TCF4: variants seen among roughly 807,000 people sequenced by gnomAD.
The protein encoded by TCF4 is transcription factor 4.
In TCF4, 3 loss-of-function variants were observed where a neutral mutation model predicts 82.1. The ratio of observed to expected loss-of-function variants is 0.04; its 90% CI spans 0.02 to 0.09. The LOEUF is 0.09. Among genes scored for constraint, TCF4 ranks in the 10% least tolerant of loss-of-function variants. TCF4 has a pLI of 1.00. For synonymous variants in TCF4, 276 were observed against 309.6 expected, an observed-to-expected ratio of 0.89 and a Z score of 1.14; for missense variants, 518 against 852.7, an observed-to-expected ratio of 0.61 and a Z score of 4.89.
intron 2 of TCF4, among the ~76,000 whole-genome samples, chr18:55,612,428 G>A (rs932661957): frequency 2.4e-4 from 36 of 152,022 alleles, no homozygotes; most frequent in Non-Finnish European, 4.9e-4. Flanking sequence ...ATCTGACATT[G>A]AGCAAAGTAA....
chr18:55,510,523 A>T, intron 3 of TCF4: 2 of 1,326,892 alleles, frequency 1.5e-6, no homozygotes, highest in Non-Finnish European at 2.0e-6. Flanking sequence ...AAGTCGATAG[A>T]TCAAACATTT....
At chr18:55,568,232 T>C (rs1027387464) in intron 3 of TCF4, among the ~76,000 whole-genome samples, 1 of 146,862 alleles carries the variant, frequency 6.8e-6, no homozygotes, top group African/African-American at 2.5e-5. Flanking sequence ...AGATTAAAAA[T>C]TAATGAAGTA....
At chr18:55,538,790 G>A (rs891770318) in intron 3 of TCF4, among the ~76,000 whole-genome samples, 2 of 152,144 alleles carry the variant, frequency 1.3e-5, no homozygotes, top group Non-Finnish European at 2.9e-5. Context: ...CTAGATGGCT[G>A]TATATCTATC....
At chr18:55,421,299 A>T (rs2094743356) in intron 5 of TCF4, among the ~76,000 whole-genome samples, 1 of 152,232 alleles carries the variant, frequency 6.6e-6, no homozygotes, top group African/African-American at 2.4e-5. Flanking sequence ...TTGGAACCCC[A>T]AGAGTTTAAC....
intron 2 of TCF4, among the ~76,000 whole-genome samples, chr18:55,601,294 C>T (rs1256834157): frequency 6.6e-6 from 1 of 152,084 alleles, no homozygotes; most frequent in African/African-American, 2.4e-5. Context: ...AGATGCCTGT[C>T]CTTCCAGAGG....
intron 5 of TCF4, among the ~76,000 whole-genome samples, chr18:55,416,655 A>G (rs754491984): frequency 6.6e-6 from 1 of 152,260 alleles, no homozygotes; most frequent in Non-Finnish European, 1.5e-5. Context: ...TGTAGGTCAC[A>G]ATAAATAATA....
At chr18:55,634,201 G>A (rs190710584) in intron 1 of TCF4, among the ~76,000 whole-genome samples, 1,669 of 152,152 alleles carry the variant, frequency 0.011, 15 homozygotes, top group Non-Finnish European at 0.019. Flanking sequence ...CCCAGGAGGT[G>A]GAGGTTGCAG....
chr18:55,530,928 G>C (rs1168135576), intron 3 of TCF4, among the ~76,000 whole-genome samples: 1 of 151,812 alleles, frequency 6.6e-6, no homozygotes, highest in Non-Finnish European at 1.5e-5. Flanking sequence ...GCATTTTCTG[G>C]GATACCAGAG....
chr18:55,620,752 C>A (rs529385979), intron 2 of TCF4, among the ~76,000 whole-genome samples: 12 of 152,010 alleles, frequency 7.9e-5, no homozygotes, highest in African/African-American at 2.9e-4. Context: ...TCTTTGTCGT[C>A]CATTGCCCAG....
At position 55,234,570 on chromosome 18, in the gene TCF4, G is replaced by A. The variant is rs1337651703; in HGVS notation, c.1464C>T (p.Asn488=). 1.9e-6 allele frequency: 3 copies of A among 1,614,120 alleles called. No individual in the cohort carries two copies. Among genetic ancestry groups the A allele is most frequent in the Non-Finnish European group, 1.7e-6 (2 of 1,180,018 alleles). ...TACCTCTGTAAGGGTCCTGGGGTGG[G>A]TTCAGGTCAGGGGAAGTCGCAGACT... ...PVQSATSPDL[N]PPQDPYRGMP... The change falls in exon 16 of 20, where the codon AAC becomes AAT. Residue 488 remains asparagine (N), a synonymous_variant. Transcript: ENST00000354452.
At chr18:55,507,350 G>A (rs952432454) in intron 3 of TCF4, among the ~76,000 whole-genome samples, 1 of 152,212 alleles carries the variant, frequency 6.6e-6, no homozygotes, top group Admixed American at 6.5e-5. Flanking sequence ...GTGACTTATA[G>A]GCAGGGAGTG....
rs1226583961 is a variant in TCF4, at chr18:55,403,309, T to C, written c.369+145A>G. The C allele has an allele frequency of 6.6e-6, 6 of 906,162 alleles. No homozygotes were observed. The Admixed American group carries it at 6.9e-5, about 10-fold the overall frequency. The allele number at this position is 906,162 out of a possible 1,614,324, so 56.1% of individuals were successfully genotyped here. On this transcript the variant is annotated intron_variant, in intron 6 of 19. Coordinates refer to ENST00000354452, the MANE Select transcript of TCF4 (RefSeq NM_001083962.2). The stretch of plus-strand genomic sequence containing the variant: ...TTTATTAGTTCTAAGCTCTGTGTTA[T>C]TTCATTACTTAAAGAGAGAGCCATC...
At chr18:55,309,918 A>T (rs1002391111) in intron 8 of TCF4, among the ~76,000 whole-genome samples, 6 of 152,230 alleles carry the variant, frequency 3.9e-5, no homozygotes, top group Non-Finnish European at 8.8e-5. Flanking sequence ...ATTTAAAAAA[A>T]TTACCATCTT....
intron 8 of TCF4, among the ~76,000 whole-genome samples, chr18:55,326,575 G>T (rs1343074097): frequency 6.6e-6 from 1 of 152,032 alleles, no homozygotes; most frequent in Non-Finnish European, 1.5e-5. Context: ...ACTGGCCTGA[G>T]AATTATGTAT....
chr18:55,284,411 C>CA lies in TCF4; in HGVS notation c.550-4756dup, dbSNP rs1175468046. 5.7e-3 allele frequency: 644 copies of CA among 112,814 alleles called. 6 individuals carry two copies. The highest frequency in any genetic ancestry group is 0.017 in the African/African-American group (508 of 30,706). The allele number at this position is 112,814 out of a possible 1,614,324, so 7.0% of individuals were successfully genotyped here. On this transcript the variant is annotated intron_variant, in intron 8 of 19. Coordinates refer to ENST00000354452, the MANE Select transcript of TCF4 (RefSeq NM_001083962.2). The stretch of plus-strand genomic sequence containing the variant: ...TGGGCGACAGGGCAAGATTCCGTCT[C>CA]AAAAAAAAAAAAGAAAAAAGAAAAA...
intron 16 of TCF4, among the ~76,000 whole-genome samples, chr18:55,233,622 C>A (rs921654449): frequency 3.3e-5 from 5 of 151,926 alleles, no homozygotes; most frequent in Non-Finnish European, 7.4e-5. Context: ...TCAAGACCAG[C>A]CTGGCTAATG....
At chr18:55,567,884 A>G (rs1195143000) in intron 3 of TCF4, among the ~76,000 whole-genome samples, 3 of 152,208 alleles carry the variant, frequency 2.0e-5, no homozygotes, top group East Asian at 3.8e-4. Context: ...GCCATACAGA[A>G]TAGTTCTCTG....
At position 55,254,641 on chromosome 18, in the gene TCF4, G is replaced by A. The variant is rs760391323; in HGVS notation, c.1206C>T (p.Asn402=). 1 of 1,613,306 alleles carries A rather than the reference G, an allele frequency of 6.2e-7. No homozygotes were observed. The highest frequency in any genetic ancestry group is 1.3e-5 in the African/African-American group (1 of 74,884). Reference sequence around the variant, plus strand: ...TAGCTGTGGATGGGCCCACTGCATGGTTCCGGAGAACATGAATAGCATCAT... The same window carrying A: ...TAGCTGTGGATGGGCCCACTGCATGATTCCGGAGAACATGAATAGCATCAT... ...RLDDAIHVLR[N]HAVGPSTAMP... Residue 402 remains asparagine, a synonymous_variant, in exon 15 of 20, where the codon AAC becomes AAT. Transcript: ENST00000354452.
intron 15 of TCF4, among the ~76,000 whole-genome samples, chr18:55,243,981 G>GT (rs1319958767): frequency 2.0e-5 from 3 of 151,842 alleles, no homozygotes; most frequent in Non-Finnish European, 4.4e-5. Flanking sequence ...GAGAAAGGAA[G>GT]TTTTTTTTGG....
Sources: allele counts gnomAD v4.1 joint callset (sites outside exome capture counted in the v4.1 genomes callset), GRCh38; gene constraint gnomAD v4.1.1; transcripts MANE v1.5; gene names NCBI Gene and HGNC (gene_info 2026-07-23, HGNC 2026-07-21).